Variants in FGGY observed in about 807,000 individuals in gnomAD.
The protein encoded by FGGY is FGGY carbohydrate kinase domain-containing protein.
A neutral mutation model predicts 71.3 loss-of-function variants in FGGY; 72 were observed. That is an observed-to-expected ratio of 1.01 (90% CI 0.84 to 1.23). FGGY has a LOEUF of 1.23. Among genes scored for constraint, FGGY ranks in the 50% most tolerant of loss-of-function variants. The pLI, the probability that FGGY is intolerant of heterozygous loss-of-function variation, is 0.00. For missense variants in FGGY, 668 were observed against 682.3 expected (o/e 0.98, Z 0.23); for synonymous variants, 251 against 250.3 (o/e 1.00, Z -0.02).
chr1:59,705,511 A>G (rs1263262369), intron 14 of FGGY, among the ~76,000 whole-genome samples: 1 of 152,198 alleles, frequency 6.6e-6, no homozygotes, highest in Non-Finnish European at 1.5e-5. Flanking sequence ...TGTTTGTTAA[A>G]GACATTCTTA....
At chr1:59,729,177 T>G (rs776987248) in intron 14 of FGGY, among the ~76,000 whole-genome samples, 9 of 151,972 alleles carry the variant, frequency 5.9e-5, no homozygotes, top group Non-Finnish European at 1.2e-4. Context: ...TCTTTGTTTC[T>G]GTTGGTCTTT....
chr1:59,699,439 C>T, intron 14 of FGGY: 1 of 977,180 alleles, frequency 1.0e-6, no homozygotes, highest in Non-Finnish European at 1.2e-6. Context: ...CACCTAGGGG[C>T]TGTAGAGAAC....
intron 5 of FGGY, among the ~76,000 whole-genome samples, chr1:59,380,007 C>T (rs1047447298): frequency 3.3e-5 from 5 of 152,094 alleles, no homozygotes; most frequent in Admixed American, 1.3e-4. Flanking sequence ...CATGTGTTCT[C>T]ATTGTTCAAT....
chr1:59,382,602 T>A (rs768555001), intron 5 of FGGY, among the ~76,000 whole-genome samples: 3 of 152,178 alleles, frequency 2.0e-5, no homozygotes, highest in Non-Finnish European at 4.4e-5. Flanking sequence ...TGGTGTGATG[T>A]TAATTGTTCA....
intron 4 of FGGY, among the ~76,000 whole-genome samples, chr1:59,369,174 A>G (rs185151748): frequency 2.2e-4 from 33 of 152,280 alleles, no homozygotes; most frequent in African/African-American, 7.7e-4. Flanking sequence ...GAAAGGGGTG[A>G]CAGACGGCAC....
At position 59,662,213 on chromosome 1, in the gene FGGY, A is replaced by G. The variant is rs190482940; in HGVS notation, c.1296+1920A>G. 3.5e-3 allele frequency among the ~76,000 whole-genome samples: 524 copies of G among 150,582 alleles called. 4 individuals carry two copies. The highest frequency in any genetic ancestry group is 0.012 in the African/African-American group (501 of 41,112). ...CGGGCACCTGTAGTCCCAGCTACTC[A>G]GGAGGCTGAGGCAGGAGAATGGCAT... On this transcript the variant is annotated intron_variant, in intron 12 of 15. Transcript: ENST00000303721.
intron 6 of FGGY, among the ~76,000 whole-genome samples, chr1:59,487,622 G>A (rs2093694129): frequency 1.3e-5 from 2 of 152,196 alleles, no homozygotes; most frequent in Admixed American, 6.5e-5. Flanking sequence ...ACTCAGTTAA[G>A]CTTAGGGTGG....
At position 59,376,419 on chromosome 1, in the gene FGGY, C is replaced by T. The variant is rs755233555; in HGVS notation, c.466-2330C>T. On this transcript the variant is annotated intron_variant, in intron 4 of 15. Transcript: ENST00000303721. ...ATAGGGCCAGCACTTGGGATAGTAC[C>T]GTTTATCTGCTGTAAATAGATGTTG... Among the ~76,000 whole-genome samples the T allele has an allele frequency of 5.6e-4, 86 of 152,232 alleles. 1 individual carries two copies. The highest frequency in any genetic ancestry group is 1.4e-3 in the Admixed American group (21 of 15,292).
chr1:59,634,771 G>A (rs1163153390), intron 10 of FGGY, among the ~76,000 whole-genome samples: 1 of 152,172 alleles, frequency 6.6e-6, no homozygotes, highest in African/African-American at 2.4e-5. Context: ...TCATTTTATA[G>A]TGCTCAGGGC....
At chr1:59,704,973 A>G (rs1466734239) in intron 14 of FGGY, among the ~76,000 whole-genome samples, 1 of 152,220 alleles carries the variant, frequency 6.6e-6, no homozygotes, top group Non-Finnish European at 1.5e-5. Context: ...TTTCGGGCAG[A>G]AAATGACTGC....
chr1:59,495,658 A>G (rs995650760), intron 6 of FGGY, among the ~76,000 whole-genome samples: 1 of 151,942 alleles, frequency 6.6e-6, no homozygotes, highest in Admixed American at 6.6e-5. Context: ...TGATTTTTAT[A>G]TGTGGTATAA....
At chr1:59,644,536 A>G (rs2097070415) in intron 11 of FGGY, among the ~76,000 whole-genome samples, 1 of 152,198 alleles carries the variant, frequency 6.6e-6, no homozygotes, top group African/African-American at 2.4e-5. Flanking sequence ...ATTTAAAAGA[A>G]GCAGAATCTT....
intron 1 of FGGY, among the ~76,000 whole-genome samples, chr1:59,302,377 C>T (rs993285441): frequency 2.6e-5 from 4 of 152,046 alleles, no homozygotes; most frequent in Non-Finnish European, 5.9e-5. Flanking sequence ...TATTGCAGCA[C>T]TATTCACAAT....
chr1:59,588,866 A>G (rs990491507), intron 8 of FGGY, among the ~76,000 whole-genome samples: 5 of 152,228 alleles, frequency 3.3e-5, no homozygotes, highest in African/African-American at 1.2e-4. Context: ...CGAGGCTAGG[A>G]GGAAACTGCA....
chr1:59,488,662 T>C (rs979704120), intron 6 of FGGY, among the ~76,000 whole-genome samples: 2 of 143,206 alleles, frequency 1.4e-5, no homozygotes, highest in Admixed American at 6.7e-5. Flanking sequence ...TTGTTAAAAC[T>C]CTTCAAATAT....
intron 5 of FGGY, among the ~76,000 whole-genome samples, chr1:59,410,369 A>AAATT (rs2063426708): frequency 6.6e-6 from 1 of 152,138 alleles, no homozygotes; most frequent in Non-Finnish European, 1.5e-5. Flanking sequence ...TCAAATTTAT[A>AAATT]TCTGAGAAAG....
At chr1:59,461,210 G>A (rs2092179491) in intron 6 of FGGY, among the ~76,000 whole-genome samples, 3 of 152,184 alleles carry the variant, frequency 2.0e-5, no homozygotes, top group African/African-American at 7.2e-5. Context: ...AATAAACAGT[G>A]TAGAGAAGAC....
chr1:59,478,800 G>A, intron 6 of FGGY, among the ~76,000 whole-genome samples: 2 of 152,190 alleles, frequency 1.3e-5, no homozygotes, highest in East Asian at 3.9e-4. Context: ...TTAGAGGCCA[G>A]GTAGAGGAAG....
intron 1 of FGGY, among the ~76,000 whole-genome samples, chr1:59,317,680 A>G (rs1434478291): frequency 6.6e-6 from 1 of 152,210 alleles, no homozygotes; most frequent in African/African-American, 2.4e-5. Context: ...GAAGCTGCCC[A>G]AGGGCTTGAA....
Sources: gnomAD v4.1 joint callset for allele counts (sites outside exome capture counted in the v4.1 genomes callset) on GRCh38, gnomAD v4.1.1 for gene constraint, MANE v1.5 for transcripts, NCBI Gene and HGNC (gene_info 2026-07-23, HGNC 2026-07-21) for gene names.